The following DYNC2H1 variants were observed in gnomAD, a reference collection of about 807,000 sequenced individuals.
The protein encoded by DYNC2H1 is cytoplasmic dynein 2 heavy chain 1.
Under a neutral mutation model 570.0 loss-of-function variants are expected in DYNC2H1, and 410 were observed. The ratio of observed to expected loss-of-function variants is 0.72; its 90% CI spans 0.66 to 0.78. The LOEUF (loss-of-function observed/expected upper bound fraction) is 0.78, where lower values mean the gene tolerates loss of function less well. Ranked by LOEUF, DYNC2H1 falls within the 30% of genes least tolerant of loss-of-function variation. DYNC2H1 has a pLI of 0.00. For missense variants in DYNC2H1, 4,865 were observed against 5,046.4 expected, an observed-to-expected ratio of 0.96 and a Z score of 1.09; for synonymous variants, 1,688 against 1,677.6, an observed-to-expected ratio of 1.01 and a Z score of -0.15.
chr11:103,131,720 C>T (rs185322010), intron 13 of DYNC2H1, among the ~76,000 whole-genome samples: 71 of 152,104 alleles, frequency 4.7e-4, no homozygotes, highest in African/African-American at 1.5e-3. Flanking sequence ...GCATATTTGA[C>T]ATTTTTTTTT....
Position 103,283,057 on chromosome 11 carries a change from A to G in DYNC2H1, c.10862A>G (p.Glu3621Gly). The change falls in exon 73 of 89, where the codon GAA becomes GGA. Residue 3621 changes from glutamate to glycine, a missense_variant. Transcript: ENST00000375735. ...CAGCTTCCGTCTTGGATAGATCAGGAACGAAGCTGGGCCGTGGCAACATTA... is the reference window on the plus strand; with the variant it reads ...CAGCTTCCGTCTTGGATAGATCAGGGACGAAGCTGGGCCGTGGCAACATTA... Reference protein sequence around the residue: ...RDQLPSWIDQERSWAVATLKI... With the variant: ...RDQLPSWIDQGRSWAVATLKI... 1 of 1,609,104 alleles carries G rather than the reference A, an allele frequency of 6.2e-7. No homozygotes were observed.
intron 83 of DYNC2H1, among the ~76,000 whole-genome samples, chr11:103,360,741 G>A (rs1476601846): frequency 6.6e-6 from 1 of 152,128 alleles, no homozygotes; most frequent in African/African-American, 2.4e-5. Flanking sequence ...AATAGTCATG[G>A]TACCTACCTT....
chr11:103,348,679 A>C (rs1436950292), intron 82 of DYNC2H1, among the ~76,000 whole-genome samples: 1 of 152,004 alleles, frequency 6.6e-6, no homozygotes, highest in Non-Finnish European at 1.5e-5. Flanking sequence ...ATATACCACA[A>C]TTTGTTTATC....
Position 103,369,934 on chromosome 11 carries a change from G to A in DYNC2H1, c.12156+11575G>A, listed in dbSNP as rs1249603626. ...GAAAGACTCCTTCCACTTGAGAAAA[G>A]CAGAGAGAAATGCAAAGGGGACATT... On this transcript the variant is annotated intron_variant, in intron 83 of 88. Coordinates refer to ENST00000375735, the MANE Select transcript of DYNC2H1 (RefSeq NM_001377.3). The surrounding 1 kb of genome is among the most constrained non-coding windows in gnomAD (Gnocchi z 4.0). Among the ~76,000 whole-genome samples the A allele has an allele frequency of 2.6e-5, 4 of 152,216 alleles. No homozygotes were observed. In the East Asian group the frequency reaches 7.7e-4, roughly 29 times the overall value.
rs1427321730 is a variant in DYNC2H1, at chr11:103,241,142, C to T, written c.9820-2551C>T. Reference sequence around the variant, plus strand: ...TCATCCTTCAGTAGCAACTTGTGCACCTCTTGATGATGAAATTTTTATTTT... The same window carrying T: ...TCATCCTTCAGTAGCAACTTGTGCATCTCTTGATGATGAAATTTTTATTTT... On this transcript the variant is annotated intron_variant, in intron 63 of 88. Coordinates refer to ENST00000375735, the MANE Select transcript of DYNC2H1 (RefSeq NM_001377.3). The surrounding 1 kb of genome is among the most constrained non-coding windows in gnomAD (Gnocchi z 5.1). Among the ~76,000 whole-genome samples the T allele has an allele frequency of 1.3e-5, 2 of 152,136 alleles. No homozygotes were observed. Among genetic ancestry groups the T allele is most frequent in the African/African-American group, 2.4e-5 (1 of 41,442 alleles).
intron 25 of DYNC2H1, among the ~76,000 whole-genome samples, chr11:103,155,867 T>C (rs939742231): frequency 6.6e-5 from 10 of 152,158 alleles, no homozygotes; most frequent in African/African-American, 2.2e-4. Context: ...TTATTTCCTA[T>C]CCCAGAAATA....
chr11:103,296,172 A>C (rs1406088922), intron 75 of DYNC2H1, among the ~76,000 whole-genome samples: 1 of 152,004 alleles, frequency 6.6e-6, no homozygotes, highest in Non-Finnish European at 1.5e-5. Context: ...TGCTGTGATC[A>C]CTCACTAGAT....
chr11:103,182,777 T>C (rs190808169), intron 40 of DYNC2H1, among the ~76,000 whole-genome samples: 11 of 152,042 alleles, frequency 7.2e-5, no homozygotes, highest in Non-Finnish European at 1.6e-4. Context: ...TTTGAAAGTA[T>C]CTGATTGTGA....
At chr11:103,147,910 AT>A in intron 19 of DYNC2H1, 23 bp downstream of exon 19, 1 of 1,489,288 alleles carries the variant, frequency 6.7e-7, no homozygotes. Context: ...TTTAATTTTT[AT>A]TTTTACTTAA....
intron 75 of DYNC2H1, among the ~76,000 whole-genome samples, chr11:103,298,891 G>A (rs560712613): frequency 6.6e-6 from 1 of 152,196 alleles, no homozygotes; most frequent in South Asian, 2.1e-4. Flanking sequence ...ATTTAAATTA[G>A]CATAGCAGTC....
At chr11:103,368,613 C>T (rs1196237023) in intron 83 of DYNC2H1, among the ~76,000 whole-genome samples, 1 of 152,156 alleles carries the variant, frequency 6.6e-6, no homozygotes, top group South Asian at 2.1e-4. Context: ...CCATTTGTCT[C>T]TTTCTGCTTT....
At chr11:103,166,835 A>C (rs1010271054) in intron 31 of DYNC2H1, among the ~76,000 whole-genome samples, 2 of 151,892 alleles carry the variant, frequency 1.3e-5, no homozygotes, top group African/African-American at 4.8e-5. Flanking sequence ...CTCAGCTTCA[A>C]TCTGTACATT....
At chr11:103,391,984 T>A (rs1337621275) in intron 83 of DYNC2H1, among the ~76,000 whole-genome samples, 3 of 152,190 alleles carry the variant, frequency 2.0e-5, no homozygotes, top group Non-Finnish European at 2.9e-5. Flanking sequence ...TTCTCAGATC[T>A]CAAACTCCGT....
chr11:103,139,294 A>C (rs1370132231), intron 17 of DYNC2H1, among the ~76,000 whole-genome samples: 1 of 149,534 alleles, frequency 6.7e-6, no homozygotes, highest in Admixed American at 6.6e-5. Context: ...TAGTTCTTTT[A>C]ATTGTGATGT....
chr11:103,275,161 G>T lies in DYNC2H1; in HGVS notation c.10696-5187G>T, dbSNP rs973500698. Among the ~76,000 whole-genome samples, 1 of 152,164 alleles carries T rather than the reference G, an allele frequency of 6.6e-6. No individual in the cohort carries two copies. Among genetic ancestry groups the T allele is most frequent in the Admixed American group, 6.5e-5 (1 of 15,280 alleles). On this transcript the variant is annotated intron_variant, in intron 70 of 88. Transcript: ENST00000375735. The surrounding 1 kb of genome is among the most constrained non-coding windows in gnomAD (Gnocchi z 4.8). ...AATATTCATTGGCTATGTTATAGTT[G>T]TGAATGTGTTTTTTTAAAGTAGGGT... is the stretch of plus-strand genomic sequence containing the variant.
intron 70 of DYNC2H1, among the ~76,000 whole-genome samples, chr11:103,263,794 T>C (rs1376770305): frequency 6.6e-6 from 1 of 151,498 alleles, no homozygotes; most frequent in Non-Finnish European, 1.5e-5. Flanking sequence ...ACATCACAAT[T>C]AAAAGAACTA....
At chr11:103,351,750 T>C (rs1940066745) in intron 82 of DYNC2H1, among the ~76,000 whole-genome samples, 1 of 152,202 alleles carries the variant, frequency 6.6e-6, no homozygotes, top group Admixed American at 6.5e-5. Flanking sequence ...ACATTTTCTT[T>C]GGTATTAAAT....
In DYNC2H1 at chr11:103,151,932, A is replaced by G. The variant is rs1860565925; in HGVS notation, c.2947-204A>G. 6.6e-6 allele frequency among the ~76,000 whole-genome samples: 1 copy of G among 152,100 alleles called. No homozygotes were observed. The highest frequency in any genetic ancestry group is 1.5e-5 in the Non-Finnish European group (1 of 67,996). On this transcript the variant is annotated intron_variant, in intron 20 of 88. Transcript: ENST00000375735. This position sits in a 1 kb window ranked among gnomAD's most constrained non-coding sequence, Gnocchi z 4.6. Reference sequence around the variant, plus strand: ...GAGTGCCTTAGTTGAATTTGTGTATAGTAAAAAATAACCATCAGAAAGTTT... The same window carrying G: ...GAGTGCCTTAGTTGAATTTGTGTATGGTAAAAAATAACCATCAGAAAGTTT...
chr11:103,276,188 T>TAC (rs150556013), intron 70 of DYNC2H1, among the ~76,000 whole-genome samples: 17 of 151,462 alleles, frequency 1.1e-4, no homozygotes, highest in African/African-American at 2.2e-4. Flanking sequence ...TATTGAGTAC[T>TAC]ACACACACAC....
Sources: allele counts gnomAD v4.1 joint callset (sites outside exome capture counted in the v4.1 genomes callset), GRCh38; gene constraint gnomAD v4.1.1; non-coding constraint Gnocchi (gnomAD v3.1); transcripts MANE v1.5; gene names NCBI Gene and HGNC (gene_info 2026-07-23, HGNC 2026-07-21).